OR9Q2: variants seen among roughly 807,000 people sequenced by gnomAD.
The protein encoded by OR9Q2 is olfactory receptor 9Q2.
OR9Q2 carries 2 observed loss-of-function variants against 2.3 expected under a neutral mutation model. The ratio of observed to expected loss-of-function variants is 0.85; its 90% CI spans 0.35 to 2.68. The LOEUF (loss-of-function observed/expected upper bound fraction) is 2.68. OR9Q2 is among the 30% of genes most tolerant of loss of function. The pLI is 0.10. For synonymous variants in OR9Q2, 178 were observed against 158.6 expected, an observed-to-expected ratio of 1.12 and a Z score of -0.92; for missense variants, 404 against 395.7, an observed-to-expected ratio of 1.02 and a Z score of -0.18.
rs865919389 is a variant in OR9Q2 at position 58,193,007 on chromosome 11, T to G, written c.*1572T>G. 24 of 152,360 alleles carry G rather than the reference T, an allele frequency of 1.6e-4. No individual in the cohort carries two copies. The highest frequency in any genetic ancestry group is 1.3e-3 in the Admixed American group (20 of 15,308). The allele number at this position is 152,360 out of a possible 1,614,324, so 9.4% of individuals were successfully genotyped here. ...GATTAATTAGTGCCTTTCAGCCTGC[T>G]TCTCCTCTGTGAAATAATACTTACT... On this transcript the variant is annotated 3_prime_UTR_variant, in exon 2 of 2. Coordinates refer to ENST00000641291, the MANE Select transcript of OR9Q2 (RefSeq NM_001005283.3).
chr11:58,190,877 C>T lies in OR9Q2; in HGVS notation c.387C>T (p.Pro129=). 6.2e-7 allele frequency: 1 copy of T among 1,614,236 alleles called. No individual in the cohort carries two copies. Among genetic ancestry groups the T allele is most frequent in the Non-Finnish European group, 8.5e-7 (1 of 1,180,036 alleles). The change falls in exon 2 of 2, where the codon CCC becomes CCT. Residue 129 remains proline (P), a synonymous_variant. Coordinates refer to ENST00000641291, the MANE Select transcript of OR9Q2 (RefSeq NM_001005283.3). ...AYDRYTAVCQ[P]LLYVTIITEK... is the part of the protein sequence containing the mutation. Reference sequence around the variant, plus strand: ...ACCGCTACACGGCCGTGTGCCAGCCCCTGCTTTATGTCACCATCATAACCG... The same window carrying T: ...ACCGCTACACGGCCGTGTGCCAGCCTCTGCTTTATGTCACCATCATAACCG...
intron 1 of OR9Q2, among the ~76,000 whole-genome samples, chr11:58,189,845 C>G (rs986642883): frequency 6.6e-6 from 1 of 152,124 alleles, no homozygotes; most frequent in Non-Finnish European, 1.5e-5. Context: ...TGTGTGTATA[C>G]ACACCCTTAA....
rs185903121 is a variant in OR9Q2 at position 58,192,497 on chromosome 11, A to G, written c.*1062A>G. 3.8e-4 allele frequency: 58 copies of G among 152,256 alleles called. No homozygotes were observed. Among genetic ancestry groups the G allele is most frequent in the African/African-American group, 1.3e-3 (52 of 41,544 alleles). 9.4% of individuals were successfully genotyped at this position (152,256 alleles called of 1,614,324 possible). On this transcript the variant is annotated 3_prime_UTR_variant, in exon 2 of 2. Coordinates refer to ENST00000641291, the MANE Select transcript of OR9Q2 (RefSeq NM_001005283.3). The stretch of plus-strand genomic sequence containing the variant: ...CTGGTGAAGAAAAGGTAAAAGTCCA[A>G]TCTGTTGGTGTAGATGGCAGTCAAC...
Position 58,193,140 on chromosome 11 carries a change from GTGTTATTAATTAC to G in OR9Q2, c.*1717_*1729del. On this transcript the variant is annotated 3_prime_UTR_variant, in exon 2 of 2. Transcript: ENST00000641291. The stretch of plus-strand genomic sequence containing the variant: ...TCGGTAATATTATAAACATTATTTA[GTGTTATTAATTAC>G]TGTTATTAATTCATGTTAGTATGGT... 1 of 152,148 alleles carries G rather than the reference GTGTTATTAATTAC, an allele frequency of 6.6e-6. No homozygotes were observed. Among genetic ancestry groups the G allele is most frequent in the East Asian group, 1.9e-4 (1 of 5,200 alleles). The allele number at this position is 152,148 out of a possible 1,614,324, so 9.4% of individuals were successfully genotyped here.
In OR9Q2 at chr11:58,190,512, G is replaced by A. The variant is rs372286935; in HGVS notation, c.22G>A (p.Val8Ile). 10 of 1,613,542 alleles carry A rather than the reference G, an allele frequency of 6.2e-6. No homozygotes were observed. The highest frequency in any genetic ancestry group is 2.7e-5 in the African/African-American group (2 of 74,922). Residue 8 changes from valine (V) to isoleucine (I), a missense_variant, in exon 2 of 2, where the codon GTA (valine) becomes ATA (isoleucine). Physicochemically the swap from Val to Ile is conservative, Grantham distance 29 (BLOSUM62 3). Transcript: ENST00000641291. ...ATGGATGGCTGAAAGGAATTACACC[G>A]TAGTGACGGAGTTCTTCCTTACTGC... is the stretch of plus-strand genomic sequence containing the variant. MAERNYT[V>I]VTEFFLTAFT...
At position 58,190,772 on chromosome 11, in the gene OR9Q2, G is replaced by A. The variant is rs576000642; in HGVS notation, c.282G>A (p.Gln94=). The A allele has an allele frequency of 8.1e-6, 13 of 1,614,078 alleles. No homozygotes were observed. The highest frequency in any genetic ancestry group is 1.1e-5 in the Non-Finnish European group (13 of 1,180,048). ...VLWEHGTTIS[Q]ARCAAQFFLF... ...GGGAGCACGGCACAACCATCTCCCA[G>A]GCTCGCTGTGCAGCTCAGTTCTTCC... The change falls in exon 2 of 2, where the codon CAG becomes CAA. Residue 94 remains glutamine, a synonymous_variant. Transcript: ENST00000641291.
Position 58,192,442 on chromosome 11 carries a change from T to C in OR9Q2, c.*1007T>C, listed in dbSNP as rs1483163074. On this transcript the variant is annotated 3_prime_UTR_variant, in exon 2 of 2. Coordinates refer to ENST00000641291, the MANE Select transcript of OR9Q2 (RefSeq NM_001005283.3). ...TATATAATCACTCAACCGGAATTTATTGTTATTGCTCTTTTCTTTTTCCTT... is the reference window on the plus strand; with the variant it reads ...TATATAATCACTCAACCGGAATTTACTGTTATTGCTCTTTTCTTTTTCCTT... 2 of 152,204 alleles carry C rather than the reference T, an allele frequency of 1.3e-5. No homozygotes were observed. The highest frequency in any genetic ancestry group is 4.8e-5 in the African/African-American group (2 of 41,450). 9.4% of individuals were successfully genotyped at this position (152,204 alleles called of 1,614,324 possible). A position where few individuals can be genotyped will look rare whatever the true frequency, so the allele number is the denominator to read the frequency against.
intron 1 of OR9Q2, among the ~76,000 whole-genome samples, chr11:58,189,781 A>T (rs1854740812): frequency 6.6e-6 from 1 of 152,128 alleles, no homozygotes; most frequent in African/African-American, 2.4e-5. Context: ...GTGCCCAAAA[A>T]AACTTATGTT....
At position 58,191,590 on chromosome 11, in the gene OR9Q2, T is replaced by A; in HGVS notation, c.*155T>A. 1 of 554,150 alleles carries A rather than the reference T, an allele frequency of 1.8e-6. No individual in the cohort carries two copies. Among genetic ancestry groups the A allele is most frequent in the East Asian group, 2.8e-5 (1 of 35,426 alleles). The allele number at this position is 554,150 out of a possible 1,614,324, so 34.3% of individuals were successfully genotyped here. ...TCTGATTTATTATTCCATGTAATACTTATCATCATCTGACATATTAGATGT... is the reference window on the plus strand; with the variant it reads ...TCTGATTTATTATTCCATGTAATACATATCATCATCTGACATATTAGATGT... On this transcript the variant is annotated 3_prime_UTR_variant, in exon 2 of 2. Transcript: ENST00000641291.
intron 1 of OR9Q2, among the ~76,000 whole-genome samples, chr11:58,189,410 T>C (rs905302523): frequency 6.6e-6 from 1 of 152,154 alleles, no homozygotes; most frequent in Non-Finnish European, 1.5e-5. Flanking sequence ...GACAACACAC[T>C]AAACAAAAGA....
In OR9Q2 at chr11:58,192,322, C is replaced by G. The variant is rs775084640; in HGVS notation, c.*887C>G. 6.6e-6 allele frequency: 1 copy of G among 152,086 alleles called. No individual in the cohort carries two copies. The highest frequency in any genetic ancestry group is 1.5e-5 in the Non-Finnish European group (1 of 68,012). The allele number at this position is 152,086 out of a possible 1,614,324, so 9.4% of individuals were successfully genotyped here. On this transcript the variant is annotated 3_prime_UTR_variant, in exon 2 of 2. Coordinates refer to ENST00000641291, the MANE Select transcript of OR9Q2 (RefSeq NM_001005283.3). ...AGATGTTGAGTAATATTCTCAAGGT[C>G]GGCAAGCAAGTAGTTGGGTGGGGCT...
chr11:58,192,320 G>T lies in OR9Q2; in HGVS notation c.*885G>T, dbSNP rs1854773064. Reference sequence around the variant, plus strand: ...AGAGATGTTGAGTAATATTCTCAAGGTCGGCAAGCAAGTAGTTGGGTGGGG... The same window carrying T: ...AGAGATGTTGAGTAATATTCTCAAGTTCGGCAAGCAAGTAGTTGGGTGGGG... On this transcript the variant is annotated 3_prime_UTR_variant, in exon 2 of 2. Transcript: ENST00000641291. 1 of 152,098 alleles carries T rather than the reference G, an allele frequency of 6.6e-6. No homozygotes were observed. Among genetic ancestry groups the T allele is most frequent in the Admixed American group, 6.5e-5 (1 of 15,270 alleles). The allele number at this position is 152,098 out of a possible 1,614,324, so 9.4% of individuals were successfully genotyped here.
Position 58,192,069 on chromosome 11 carries a change from TC to T in OR9Q2, c.*635del, listed in dbSNP as rs1371961878. 6.6e-6 allele frequency: 1 copy of T among 151,414 alleles called. No individual in the cohort carries two copies. The highest frequency in any genetic ancestry group is 1.5e-5 in the Non-Finnish European group (1 of 67,874). 9.4% of individuals were successfully genotyped at this position (151,414 alleles called of 1,614,324 possible). On this transcript the variant is annotated 3_prime_UTR_variant, in exon 2 of 2. Coordinates refer to ENST00000641291, the MANE Select transcript of OR9Q2 (RefSeq NM_001005283.3). ...TTTTGTCATTTATTCATTTATTCTT[TC>T]TTTTTTTATCTTCTTGTTTCTGTGA... is the stretch of plus-strand genomic sequence containing the variant.
In OR9Q2 at chr11:58,190,528, T is replaced by G; in HGVS notation, c.38T>G (p.Phe13Cys). The change falls in exon 2 of 2, where the codon TTC becomes TGC. Residue 13 changes from phenylalanine to cysteine, a missense_variant. Transcript: ENST00000641291. ...AATTACACCGTAGTGACGGAGTTCT[T>G]CCTTACTGCATTTACTGAACATCTC... ...ERNYTVVTEF[F>C]LTAFTEHLQW... The G allele has an allele frequency of 6.2e-7, 1 of 1,614,170 alleles. No individual in the cohort carries two copies. Among genetic ancestry groups the G allele is most frequent in the Non-Finnish European group, 8.5e-7 (1 of 1,180,008 alleles).
rs1017928173 is a variant in OR9Q2, at chr11:58,193,131, CATT to C, written c.*1700_*1702del. The C allele has an allele frequency of 1.2e-4, 18 of 152,270 alleles. No homozygotes were observed. In the East Asian group the frequency reaches 3.1e-3, roughly 26 times the overall value. 9.4% of individuals were successfully genotyped at this position (152,270 alleles called of 1,614,324 possible). ...GGAAGGCATTCGGTAATATTATAAA[CATT>C]ATTTAGTGTTATTAATTACTGTTAT... is the stretch of plus-strand genomic sequence containing the variant. On this transcript the variant is annotated 3_prime_UTR_variant, in exon 2 of 2. Transcript: ENST00000641291.
chr11:58,193,420 C>T lies in OR9Q2; in HGVS notation c.*1985C>T, dbSNP rs1161458018. On this transcript the variant is annotated 3_prime_UTR_variant, in exon 2 of 2. Transcript: ENST00000641291. ...GCTTTACATGAATCCTTTATTTTAGCCCTCCTAACAATGTTAATGAAAAGT... is the reference window on the plus strand; with the variant it reads ...GCTTTACATGAATCCTTTATTTTAGTCCTCCTAACAATGTTAATGAAAAGT... 1.3e-5 allele frequency: 2 copies of T among 152,160 alleles called. No individual in the cohort carries two copies. The highest frequency in any genetic ancestry group is 4.8e-5 in the African/African-American group (2 of 41,430). The allele number at this position is 152,160 out of a possible 1,614,324, so 9.4% of individuals were successfully genotyped here.
Position 58,190,314 on chromosome 11 carries a change from T to G in OR9Q2, c.-172-5T>G. 1.7e-6 allele frequency: 1 copy of G among 582,920 alleles called. No individual in the cohort carries two copies. The highest frequency in any genetic ancestry group is 3.1e-6 in the Non-Finnish European group (1 of 326,886). The allele number at this position is 582,920 out of a possible 1,614,324, so 36.1% of individuals were successfully genotyped here. On this transcript the variant is annotated splice_region_variant and splice_polypyrimidine_tract_variant and intron_variant, in intron 1 of 1. Coordinates refer to ENST00000641291, the MANE Select transcript of OR9Q2 (RefSeq NM_001005283.3). Reference sequence around the variant, plus strand: ...GCATTCATCACTTTTTATCTTATATTACAGTGAGCTCAATATCTGTCTATA... The same window carrying G: ...GCATTCATCACTTTTTATCTTATATGACAGTGAGCTCAATATCTGTCTATA...
At position 58,191,024 on chromosome 11, in the gene OR9Q2, C is replaced by T. The variant is rs1854757112; in HGVS notation, c.534C>T (p.Phe178=). The T allele has an allele frequency of 1.2e-6, 2 of 1,614,080 alleles. No individual in the cohort carries two copies. Among genetic ancestry groups the T allele is most frequent in the African/African-American group, 1.3e-5 (1 of 74,940 alleles). ...FCGNNEINFI[F]CDLPPLLKLS... is the part of the protein sequence containing the mutation. Reference sequence around the variant, plus strand: ...GAAACAATGAGATCAACTTCATTTTCTGTGACCTCCCTCCTCTATTAAAAC... The same window carrying T: ...GAAACAATGAGATCAACTTCATTTTTTGTGACCTCCCTCCTCTATTAAAAC... Residue 178 remains phenylalanine (F), a synonymous_variant, in exon 2 of 2, where the codon TTC becomes TTT. Coordinates refer to ENST00000641291, the MANE Select transcript of OR9Q2 (RefSeq NM_001005283.3).
At position 58,192,457 on chromosome 11, in the gene OR9Q2, TC is replaced by T. The variant is rs1854774170; in HGVS notation, c.*1023del. On this transcript the variant is annotated 3_prime_UTR_variant, in exon 2 of 2. Transcript: ENST00000641291. ...CCGGAATTTATTGTTATTGCTCTTT[TC>T]TTTTTCCTTTTATCTGGTGAAGAAA... 1 of 152,210 alleles carries T rather than the reference TC, an allele frequency of 6.6e-6. No homozygotes were observed. The highest frequency in any genetic ancestry group is 2.1e-4 in the South Asian group (1 of 4,834). 9.4% of individuals were successfully genotyped at this position (152,210 alleles called of 1,614,324 possible).
Sources: gnomAD v4.1 joint callset for allele counts (sites outside exome capture counted in the v4.1 genomes callset) on GRCh38, gnomAD v4.1.1 for gene constraint, MANE v1.5 for transcripts, NCBI Gene and HGNC (gene_info 2026-07-23, HGNC 2026-07-21) for gene names.